DAO: variants seen among roughly 807,000 people sequenced by gnomAD.
The protein encoded by DAO is D-amino acid oxidase, also known as D-amino-acid oxidase.
In DAO, 51 loss-of-function variants were observed where a neutral mutation model predicts 50.1. The ratio of observed to expected loss-of-function variants is 1.02; its 90% CI spans 0.81 to 1.29. DAO has a LOEUF of 1.29. Among genes scored for constraint, DAO ranks in the 50% most tolerant of loss-of-function variants. The pLI is 0.00. For synonymous variants in DAO, 160 were observed against 166.2 expected (o/e 0.96, Z 0.29); for missense variants, 436 against 439.4 (o/e 0.99, Z 0.07).
At chr12:108,888,820 T>A (rs2039460323) in intron 3 of DAO, among the ~76,000 whole-genome samples, 1 of 152,166 alleles carries the variant, frequency 6.6e-6, no homozygotes, top group Non-Finnish European at 1.5e-5. Context: ...ACTTTTCCCC[T>A]ATAACTCACC....
chr12:108,895,689 T>A (rs2137362191), intron 7 of DAO, among the ~76,000 whole-genome samples: 1 of 146,622 alleles, frequency 6.8e-6, no homozygotes, highest in South Asian at 2.2e-4. Flanking sequence ...TAAGGGTGTG[T>A]GTGCATGCAT....
At chr12:108,892,892 G>A (rs568523284) in intron 5 of DAO, 90 bp from the exon 6 acceptor site, 1 of 1,159,288 alleles carries the variant, frequency 8.6e-7, no homozygotes, top group African/African-American at 1.5e-5. Context: ...TCCGCAGAAG[G>A]TTGTTTGGGA....
chr12:108,885,857 C>T (rs758168592), intron 2 of DAO, among the ~76,000 whole-genome samples: 8 of 152,278 alleles, frequency 5.3e-5, no homozygotes, highest in Non-Finnish European at 7.4e-5. Flanking sequence ...CAGGTTCAAG[C>T]GATTCTCCTG....
Position 108,884,982 on chromosome 12 carries a change from C to T in DAO, c.-9-16C>T. 3 of 1,612,978 alleles carry T rather than the reference C, an allele frequency of 1.9e-6. No homozygotes were observed. Among genetic ancestry groups the T allele is most frequent in the South Asian group, 1.1e-5 (1 of 91,066 alleles). ...TGATGGTGATGATGTTGTGCCTCAA[C>T]CCTTCCTTCCCACAGGCTGCTGCAA... On this transcript the variant is annotated splice_polypyrimidine_tract_variant and intron_variant, in intron 1 of 10. Transcript: ENST00000228476.
chr12:108,885,329 C>A, intron 2 of DAO, 129 bp downstream of exon 2: 1 of 934,074 alleles, frequency 1.1e-6, no homozygotes, highest in Non-Finnish European at 1.7e-6. Flanking sequence ...AAAGAAAATG[C>A]CAGGCGTGGT....
intron 9 of DAO, 25 bp from the exon 10 acceptor site, chr12:108,899,352 G>T (rs375177190): frequency 6.3e-7 from 1 of 1,592,518 alleles, no homozygotes; most frequent in African/African-American, 1.3e-5. Flanking sequence ...ATCCAGAAAT[G>T]AGTGATCAGC....
chr12:108,882,918 G>T (rs1566033856), intron 1 of DAO, among the ~76,000 whole-genome samples: 1 of 152,024 alleles, frequency 6.6e-6, no homozygotes, highest in Non-Finnish European at 1.5e-5. Flanking sequence ...GAGGCTGAGG[G>T]GGGAGGATTG....
intron 6 of DAO, among the ~76,000 whole-genome samples, chr12:108,893,873 A>G (rs969444509): frequency 6.6e-6 from 1 of 152,128 alleles, no homozygotes; most frequent in African/African-American, 2.4e-5. Flanking sequence ...AAGGAGTCAG[A>G]AGGAGAAAGA....
chr12:108,885,407 C>G (rs1566034941), intron 2 of DAO, among the ~76,000 whole-genome samples: 1 of 152,008 alleles, frequency 6.6e-6, no homozygotes, highest in Non-Finnish European at 1.5e-5. Flanking sequence ...CCAGGAGTTC[C>G]AGATCAGCCT....
Position 108,894,483 on chromosome 12 carries a change from ACTG to A in DAO, c.612+118_612+120del. ...AACATCTGTTAGAGGAACCCCCCGG[ACTG>A]CAGGGAATTGACATGTAAAAAAAAC... On this transcript the variant is annotated intron_variant, in intron 7 of 10. Transcript: ENST00000228476. 7 of 870,934 alleles carry A rather than the reference ACTG, an allele frequency of 8.0e-6. 1 individual carries two copies. The South Asian group carries it at 1.0e-4, about 13-fold the overall frequency. The allele number at this position is 870,934 out of a possible 1,614,324, so 54.0% of individuals were successfully genotyped here.
intron 5 of DAO, among the ~76,000 whole-genome samples, chr12:108,891,934 T>G (rs919456229): frequency 6.6e-6 from 1 of 152,022 alleles, no homozygotes; most frequent in Non-Finnish European, 1.5e-5. Flanking sequence ...CTGGCGATTC[T>G]AATTATCAGC....
Position 108,894,335 on chromosome 12 carries a change from CT to C in DAO, c.581del (p.Leu194ArgfsTer10). On this transcript the variant is annotated frameshift_variant, in exon 7 of 11. Coordinates refer to ENST00000228476, the MANE Select transcript of DAO (RefSeq NM_001917.5). LOFTEE classifies it high-confidence loss of function. ...VWAGALQRDP[L>X]LQPGRGQIMK... ...GGCTGGGGCGCTACAACGAGACCCC[CT>C]GCTGCAGCCAGGCCGGGGGCAGATC... The C allele has an allele frequency of 6.2e-7, 1 of 1,614,030 alleles. No individual in the cohort carries two copies. Among genetic ancestry groups the C allele is most frequent in the Non-Finnish European group, 8.5e-7 (1 of 1,179,958 alleles).
chr12:108,882,669 C>T (rs2039393599), intron 1 of DAO, among the ~76,000 whole-genome samples: 1 of 152,096 alleles, frequency 6.6e-6, no homozygotes, highest in Admixed American at 6.6e-5. Context: ...GGTTGGTCAC[C>T]CTCACTCAGT....
chr12:108,894,499 A>G (rs1252062530), intron 7 of DAO, 132 bp downstream of exon 7: 1 of 777,202 alleles, frequency 1.3e-6, no homozygotes, highest in South Asian at 1.6e-5. Flanking sequence ...GGGAATTGAC[A>G]TGTAAAAAAA....
chr12:108,885,311 C>A, intron 2 of DAO, 111 bp downstream of exon 2: 1 of 1,101,224 alleles, frequency 9.1e-7, no homozygotes, highest in Non-Finnish European at 1.3e-6. Context: ...TCTGATCTAG[C>A]ATAAAATAAA....
intron 8 of DAO, among the ~76,000 whole-genome samples, chr12:108,897,765 T>A (rs960455826): frequency 6.6e-6 from 1 of 152,024 alleles, no homozygotes; most frequent in South Asian, 2.1e-4. Flanking sequence ...TTGGGCAACA[T>A]GGCAAGACCC....
Position 108,890,217 on chromosome 12 carries a change from G to A in DAO, c.396G>A (p.Trp132Ter). The A allele has an allele frequency of 1.2e-6, 2 of 1,613,212 alleles. No individual in the cohort carries two copies. The highest frequency in any genetic ancestry group is 1.1e-5 in the South Asian group (1 of 91,032). ...CTTACTGTGACTCTAGCTATGGCTGGTTCCACACAAGCCTAATTCTGGAGG... is the reference window on the plus strand; with the variant it reads ...CTTACTGTGACTCTAGCTATGGCTGATTCCACACAAGCCTAATTCTGGAGG... ...LDMFPDYGYGWFHTSLILEGK... is the reference protein window; with the variant it reads ...LDMFPDYGYG Residue 132 changes from tryptophan (W) to a stop codon, truncating the protein, a stop_gained, in exon 5 of 11, where the codon TGG becomes TGA. Coordinates refer to ENST00000228476, the MANE Select transcript of DAO (RefSeq NM_001917.5). LOFTEE classifies it high-confidence loss of function.
At position 108,899,425 on chromosome 12, in the gene DAO, C is replaced by G. The variant is rs1368694476; in HGVS notation, c.862C>G (p.Gln288Glu). Residue 288 changes from glutamine to glutamate, a missense_variant, in exon 10 of 11, where the codon CAG becomes GAG. By Grantham distance (29) the Gln-to-Glu change is conservative (BLOSUM62 2). Transcript: ENST00000228476. Reference protein sequence around the residue: ...ERTGFRPVRPQIRLEREQLRT... With the variant: ...ERTGFRPVRPEIRLEREQLRT... Reference sequence around the variant, plus strand: ...AACTGGCTTCCGGCCAGTACGCCCCCAGATTCGGCTAGAAAGAGAACAGCT... The same window carrying G: ...AACTGGCTTCCGGCCAGTACGCCCCGAGATTCGGCTAGAAAGAGAACAGCT... 1 of 1,613,750 alleles carries G rather than the reference C, an allele frequency of 6.2e-7. No homozygotes were observed. Among genetic ancestry groups the G allele is most frequent in the Non-Finnish European group, 8.5e-7 (1 of 1,179,934 alleles).
intron 10 of DAO, chr12:108,899,763 T>C: frequency 2.1e-6 from 1 of 470,778 alleles, no homozygotes; most frequent in South Asian, 2.1e-5. Context: ...TAGCTGGTGC[T>C]GATGGAAATG....
Sources: gnomAD v4.1 joint callset for allele counts (sites outside exome capture counted in the v4.1 genomes callset) on GRCh38, gnomAD v4.1.1 for gene constraint, MANE v1.5 for transcripts, NCBI Gene and HGNC (gene_info 2026-07-23, HGNC 2026-07-21) for gene names.